CCSER1: variants seen among roughly 807,000 people sequenced by gnomAD.
The protein encoded by CCSER1 is coiled-coil serine rich protein 1, also known as serine-rich coiled-coil domain-containing protein 1.
Under a neutral mutation model 82.0 loss-of-function variants are expected in CCSER1, and 41 were observed. The ratio of observed to expected loss-of-function variants is 0.50; its 90% CI spans 0.39 to 0.65. The LOEUF (loss-of-function observed/expected upper bound fraction) is 0.65, where lower values mean the gene tolerates loss of function less well. CCSER1 is among the 30% of genes least tolerant of loss of function. The pLI, the probability that CCSER1 is intolerant of heterozygous loss-of-function variation, is 0.00. For synonymous variants in CCSER1, 414 were observed against 383.9 expected (o/e 1.08, Z -0.92); for missense variants, 1,119 against 1,064.2 (o/e 1.05, Z -0.72).
At chr4:91,146,890 A>G (rs1346729511) in intron 10 of CCSER1, among the ~76,000 whole-genome samples, 1 of 152,190 alleles carries the variant, frequency 6.6e-6, no homozygotes, top group Non-Finnish European at 1.5e-5. Flanking sequence ...GTGTGTATGC[A>G]GCAATGCTCT....
At chr4:90,766,954 C>T (rs1468581200) in intron 7 of CCSER1, among the ~76,000 whole-genome samples, 1 of 152,054 alleles carries the variant, frequency 6.6e-6, no homozygotes, top group Non-Finnish European at 1.5e-5. Flanking sequence ...TACTTTAGCA[C>T]TCAGTTCAAT....
intron 1 of CCSER1, among the ~76,000 whole-genome samples, chr4:90,228,114 G>A (rs1406269356): frequency 1.3e-5 from 2 of 152,218 alleles, no homozygotes; most frequent in East Asian, 1.9e-4. Context: ...ACTGGGTGGA[G>A]CCCACCACAG....
chr4:91,457,195 G>C (rs971077740), intron 10 of CCSER1, among the ~76,000 whole-genome samples: 3 of 151,856 alleles, frequency 2.0e-5, no homozygotes, highest in African/African-American at 7.3e-5. Flanking sequence ...TATTTCTCTA[G>C]TTTACTGTAA....
At chr4:90,535,009 A>G (rs1466893024) in intron 5 of CCSER1, among the ~76,000 whole-genome samples, 1 of 152,218 alleles carries the variant, frequency 6.6e-6, no homozygotes, top group Non-Finnish European at 1.5e-5. Context: ...TGCATCTGAA[A>G]TATTGAGGAA....
intron 10 of CCSER1, among the ~76,000 whole-genome samples, chr4:91,592,652 T>C (rs1764321686): frequency 6.6e-6 from 1 of 152,160 alleles, no homozygotes; most frequent in Non-Finnish European, 1.5e-5. Context: ...ATCTACTCTT[T>C]CAATTGAATT....
At chr4:90,149,682 T>C (rs908327826) in intron 1 of CCSER1, among the ~76,000 whole-genome samples, 1 of 152,188 alleles carries the variant, frequency 6.6e-6, no homozygotes, top group Non-Finnish European at 1.5e-5. Flanking sequence ...TAAACCATGA[T>C]ACTTCTTTAG....
chr4:90,188,563 TTTTACATACTAAA>T (rs1424240907), intron 1 of CCSER1, among the ~76,000 whole-genome samples: 2 of 151,892 alleles, frequency 1.3e-5, no homozygotes, highest in African/African-American at 4.8e-5. Flanking sequence ...ACATACTAAG[TTTTACATACTAAA>T]TTTACATACT....
chr4:90,643,194 A>G (rs142988510), intron 6 of CCSER1, among the ~76,000 whole-genome samples: 1,669 of 152,264 alleles, frequency 0.011, 20 homozygotes, highest in Middle Eastern at 0.031. Context: ...GTTAGTAAAT[A>G]TTTTAGGTTT....
At position 90,315,854 on chromosome 4, in the gene CCSER1, A is replaced by T. The variant is rs945197085; in HGVS notation, c.1509+2807A>T. ...TTAAAATGCATGAAATATGTTTTTT[A>T]ACTTGTAGCACTGTAAGGAAGAAAT... On this transcript the variant is annotated intron_variant, in intron 3 of 10. Transcript: ENST00000509176. 2.1e-4 allele frequency among the ~76,000 whole-genome samples: 32 copies of T among 152,226 alleles called. 1 individual carries two copies. The highest frequency in any genetic ancestry group is 2.6e-4 in the Admixed American group (4 of 15,284).
At chr4:90,374,137 G>A (rs558878311) in intron 3 of CCSER1, among the ~76,000 whole-genome samples, 2 of 152,304 alleles carry the variant, frequency 1.3e-5, no homozygotes, top group African/African-American at 4.8e-5. Flanking sequence ...TTTTGGCTAT[G>A]AGGATGTGAA....
chr4:90,199,818 T>C (rs565199329), intron 1 of CCSER1, among the ~76,000 whole-genome samples: 66 of 152,292 alleles, frequency 4.3e-4, no homozygotes, highest in African/African-American at 1.5e-3. Context: ...AGCATGTCGA[T>C]GTGCCCATCT....
At chr4:90,359,891 GTGTGTGTATATA>G (rs1745024612) in intron 3 of CCSER1, among the ~76,000 whole-genome samples, 4 of 79,466 alleles carry the variant, frequency 5.0e-5, no homozygotes, top group African/African-American at 2.9e-4. Flanking sequence ...ATATATATGT[GTGTGTGTATATA>G]TATATATATA....
intron 5 of CCSER1, among the ~76,000 whole-genome samples, chr4:90,562,051 A>G (rs1778825904): frequency 6.6e-6 from 1 of 151,956 alleles, no homozygotes; most frequent in Non-Finnish European, 1.5e-5. Context: ...TTAGCCGGGC[A>G]TAGTGGCGAG....
chr4:91,470,042 A>G (rs1249392747), intron 10 of CCSER1, among the ~76,000 whole-genome samples: 1 of 152,180 alleles, frequency 6.6e-6, no homozygotes, highest in Non-Finnish European at 1.5e-5. Context: ...GGACTTTCAG[A>G]TTGAAAGTCC....
At chr4:91,074,778 C>T (rs1721790487) in intron 9 of CCSER1, among the ~76,000 whole-genome samples, 1 of 152,194 alleles carries the variant, frequency 6.6e-6, no homozygotes. Flanking sequence ...GTTAAAAAGT[C>T]ACACAGTTAC....
chr4:91,456,356 T>G (rs1304082397), intron 10 of CCSER1, among the ~76,000 whole-genome samples: 1 of 151,980 alleles, frequency 6.6e-6, no homozygotes, highest in Admixed American at 6.6e-5. Flanking sequence ...TTGGAGGGAC[T>G]CAAATGCTCA....
chr4:90,272,988 G>A (rs1034440867), intron 1 of CCSER1, among the ~76,000 whole-genome samples: 2 of 151,580 alleles, frequency 1.3e-5, no homozygotes, highest in African/African-American at 4.9e-5. Context: ...GGGTGACAGA[G>A]TGAGACTCTA....
Position 91,538,698 on chromosome 4 carries a change from C to CATATATTATATATATATATATAT in CCSER1, c.2218-59868_2218-59867insTATATATATATATATATATATAT. 4.8e-3 allele frequency among the ~76,000 whole-genome samples: 670 copies of CATATATTATATATATATATATAT among 138,300 alleles called. 6 individuals carry two copies. Among genetic ancestry groups the CATATATTATATATATATATATAT allele is most frequent in the African/African-American group, 0.016 (595 of 36,376 alleles). The allele number at this position is 138,300 out of a possible 152,430, so 90.7% of individuals were successfully genotyped here. ...ATATATGATATATATTATATATACA[C>CATATATTATATATATATATATAT]ATATATATATATAATATCTCAGTGC... On this transcript the variant is annotated intron_variant, in intron 10 of 10. Coordinates refer to ENST00000509176, the MANE Select transcript of CCSER1 (RefSeq NM_001145065.2).
intron 7 of CCSER1, among the ~76,000 whole-genome samples, chr4:90,728,081 T>G (rs1471955291): frequency 6.6e-6 from 1 of 152,190 alleles, no homozygotes; most frequent in Non-Finnish European, 1.5e-5. Context: ...TTGCATTTCT[T>G]GGCCCATTGA....
Sources: gnomAD v4.1 joint callset for allele counts (sites outside exome capture counted in the v4.1 genomes callset) on GRCh38, gnomAD v4.1.1 for gene constraint, MANE v1.5 for transcripts, NCBI Gene and HGNC (gene_info 2026-07-23, HGNC 2026-07-21) for gene names.